The following ATP2C2 variants were observed in gnomAD, a reference collection of about 807,000 sequenced individuals.
The protein encoded by ATP2C2 is ATPase secretory pathway Ca2+ transporting 2, also known as calcium-transporting ATPase type 2C member 2.
A neutral mutation model predicts 110.8 loss-of-function variants in ATP2C2; 171 were observed. The observed-to-expected ratio is 1.54, with a 90% confidence interval of 1.36 to 1.75. The LOEUF (loss-of-function observed/expected upper bound fraction) is 1.75. Among genes scored for constraint, ATP2C2 ranks in the 40% most tolerant of loss-of-function variants. The pLI, the probability that ATP2C2 is intolerant of heterozygous loss-of-function variation, is 0.00. For missense variants in ATP2C2, 1,963 were observed against 1,235.0 expected, an observed-to-expected ratio of 1.59 and a Z score of -8.84; for synonymous variants, 804 against 508.4, an observed-to-expected ratio of 1.58 and a Z score of -7.82.
At chr16:84,453,531 C>T (rs537058205) in intron 20 of ATP2C2, among the ~76,000 whole-genome samples, 160 bp downstream of exon 20, 1 of 152,042 alleles carries the variant, frequency 6.6e-6, no homozygotes, top group Non-Finnish European at 1.5e-5. Context: ...CTTTTCATAG[C>T]CAGGGGGAGG....
intron 11 of ATP2C2, among the ~76,000 whole-genome samples, chr16:84,437,983 CCTT>C (rs1336589051): frequency 6.6e-6 from 1 of 152,202 alleles, no homozygotes; most frequent in Non-Finnish European, 1.5e-5. Flanking sequence ...CTCTGAGTGG[CCTT>C]CTATGTCTGG....
In ATP2C2 at chr16:84,446,365, A is replaced by C; in HGVS notation, c.1438A>C (p.Lys480Gln). 6.2e-7 allele frequency: 1 copy of C among 1,604,354 alleles called. No individual in the cohort carries two copies. The highest frequency in any genetic ancestry group is 8.5e-7 in the Non-Finnish European group (1 of 1,176,594). Residue 480 changes from lysine (K) to glutamine (Q), a missense_variant, in exon 16 of 27, where the codon AAA becomes CAA. By Grantham distance (53) the Lys-to-Gln change is moderately conservative (BLOSUM62 1). Coordinates refer to ENST00000262429, the MANE Select transcript of ATP2C2 (RefSeq NM_014861.4). The stretch of plus-strand genomic sequence containing the variant: ...TGATATTAAAAATTCATATATAAGA[A>C]AAAAAGAGATTCCATTCAGTTCAGA... Reference protein sequence around the residue: ...LSDIKNSYIRKKEIPFSSEQK... With the variant: ...LSDIKNSYIRQKEIPFSSEQK...
At chr16:84,379,632 C>CG (rs961937147) in intron 1 of ATP2C2, among the ~76,000 whole-genome samples, 6 of 152,138 alleles carry the variant, frequency 3.9e-5, no homozygotes, top group East Asian at 3.8e-4. Context: ...CAAGCCTCGC[C>CG]GGGGGGTTCT....
At chr16:84,409,124 G>C (rs1906045402) in intron 4 of ATP2C2, among the ~76,000 whole-genome samples, 1 of 152,160 alleles carries the variant, frequency 6.6e-6, no homozygotes, top group African/African-American at 2.4e-5. Context: ...AATGGATTCA[G>C]ACGGATGAGT....
At chr16:84,411,209 A>C (rs543736925) in intron 6 of ATP2C2, among the ~76,000 whole-genome samples, 1 of 152,176 alleles carries the variant, frequency 6.6e-6, no homozygotes, top group Non-Finnish European at 1.5e-5. Flanking sequence ...AGGGTATAGG[A>C]AGAGTGAACT....
At chr16:84,421,246 G>T (rs1458586083) in intron 7 of ATP2C2, among the ~76,000 whole-genome samples, 1 of 152,250 alleles carries the variant, frequency 6.6e-6, no homozygotes, top group Non-Finnish European at 1.5e-5. Flanking sequence ...CCACAGGGAG[G>T]TGGGAATGTG....
At chr16:84,437,514 G>A (rs1484215002) in intron 11 of ATP2C2, among the ~76,000 whole-genome samples, 2 of 151,802 alleles carry the variant, frequency 1.3e-5, no homozygotes, top group Non-Finnish European at 2.9e-5. Context: ...CCTGGCCTTA[G>A]AACATTTTCT....
Position 84,382,502 on chromosome 16 carries a change from C to T in ATP2C2, c.99+13788C>T, listed in dbSNP as rs188010209. On this transcript the variant is annotated intron_variant, in intron 1 of 26. Transcript: ENST00000262429. ...CCTTTTGCCATCTCTCAGGGTCAGT[C>T]CTGGGGCAGGATGGGCAGCCAGGTT... 8.5e-3 allele frequency among the ~76,000 whole-genome samples: 1,299 copies of T among 152,308 alleles called. 8 individuals carry two copies. Among genetic ancestry groups the T allele is most frequent in the Admixed American group, 0.012 (189 of 15,300 alleles).
Position 84,415,557 on chromosome 16 carries a change from G to A in ATP2C2, c.590G>A (p.Gly197Glu), listed in dbSNP as rs747896612. ...GGTGATGTCGTATCTCTCTCGATCG[G>A]AGACCGGATCCCTGCAGACATCCGA... ...VPGDVVSLSIGDRIPADIRLT... is the reference protein window; with the variant it reads ...VPGDVVSLSIEDRIPADIRLT... Residue 197 changes from glycine to glutamate, a missense_variant, in exon 7 of 27, where the codon GGA becomes GAA. Coordinates refer to ENST00000262429, the MANE Select transcript of ATP2C2 (RefSeq NM_014861.4). 4.3e-6 allele frequency: 7 copies of A among 1,613,958 alleles called. No homozygotes were observed. The African/African-American group carries it at 9.3e-5, about 22-fold the overall frequency.
At chr16:84,439,762 T>C (rs913186302) in intron 13 of ATP2C2, among the ~76,000 whole-genome samples, 3 of 152,180 alleles carry the variant, frequency 2.0e-5, no homozygotes, top group African/African-American at 7.2e-5. Context: ...ATAAGCACAT[T>C]GCAAAATTTA....
chr16:84,453,938 TTAAG>T (rs922210206), intron 20 of ATP2C2, among the ~76,000 whole-genome samples: 12 of 151,942 alleles, frequency 7.9e-5, no homozygotes, highest in Non-Finnish European at 1.3e-4. Context: ...CCTCCCAGGG[TTAAG>T]CGATTCTCCT....
At chr16:84,446,456 TTCTC>T (rs750252026) in intron 16 of ATP2C2, 26 bp downstream of exon 16, 11 of 1,510,836 alleles carry the variant, frequency 7.3e-6, no homozygotes, top group Admixed American at 2.1e-5. Flanking sequence ...CTTCAACCTC[TTCTC>T]TCTTTCTGCC....
intron 25 of ATP2C2, 79 bp from the exon 26 acceptor site, chr16:84,461,909 G>A (rs199647640): frequency 9.8e-5 from 158 of 1,606,180 alleles, no homozygotes; most frequent in Non-Finnish European, 1.3e-4. Flanking sequence ...CTCTGGCTCA[G>A]CGTGGGCAGT....
At chr16:84,411,527 C>T (rs559934781) in intron 6 of ATP2C2, among the ~76,000 whole-genome samples, 3 of 152,254 alleles carry the variant, frequency 2.0e-5, no homozygotes, top group Non-Finnish European at 2.9e-5. Flanking sequence ...CTGCAACCTC[C>T]GCCTCCTGGG....
Position 84,453,357 on chromosome 16 carries a change from C to T in ATP2C2, c.1966C>T (p.Leu656Phe), listed in dbSNP as rs565840111. The change falls in exon 20 of 27, where the codon CTC becomes TTC. Residue 656 changes from leucine (L) to phenylalanine (F), a missense_variant. Physicochemically the swap from Leu to Phe is conservative, Grantham distance 22 (BLOSUM62 0). Coordinates refer to ENST00000262429, the MANE Select transcript of ATP2C2 (RefSeq NM_014861.4). ...VFFRTSPKHKLKIIKALQESG... is the reference protein window; with the variant it reads ...VFFRTSPKHKFKIIKALQESG... ...CTTCAGGACCAGCCCAAAGCACAAG[C>T]TCAAAATCATCAAGGTTCGCTGGGC... The T allele has an allele frequency of 6.2e-7, 1 of 1,614,200 alleles. No individual in the cohort carries two copies. The highest frequency in any genetic ancestry group is 1.1e-5 in the South Asian group (1 of 91,084).
intron 1 of ATP2C2, 23 bp from the exon 2 acceptor site, chr16:84,398,476 C>G (rs1009792715): frequency 1.3e-6 from 2 of 1,525,276 alleles, no homozygotes; most frequent in East Asian, 4.6e-5. Flanking sequence ...ATCCGCTAAA[C>G]AGCAACCCTG....
intron 16 of ATP2C2, among the ~76,000 whole-genome samples, chr16:84,446,775 A>G (rs1355090031): frequency 6.6e-6 from 1 of 152,186 alleles, no homozygotes; most frequent in Admixed American, 6.5e-5. Context: ...GCAGATTCTG[A>G]TGCAGGTGCA....
At chr16:84,422,096 T>C (rs1907390492) in intron 7 of ATP2C2, among the ~76,000 whole-genome samples, 1 of 152,166 alleles carries the variant, frequency 6.6e-6, no homozygotes, top group Non-Finnish European at 1.5e-5. Context: ...CACACAGGTG[T>C]TTTGAAAGGT....
intron 1 of ATP2C2, among the ~76,000 whole-genome samples, chr16:84,381,769 T>C (rs1910593244): frequency 6.6e-6 from 1 of 152,146 alleles, no homozygotes; most frequent in Non-Finnish European, 1.5e-5. Context: ...GTTAGTTGGT[T>C]TCCTTTTTTG....
Sources: gnomAD v4.1 joint callset for allele counts (sites outside exome capture counted in the v4.1 genomes callset) on GRCh38, gnomAD v4.1.1 for gene constraint, MANE v1.5 for transcripts, NCBI Gene and HGNC (gene_info 2026-07-23, HGNC 2026-07-21) for gene names.